MLLT10: variants seen among roughly 807,000 people sequenced by gnomAD.
The protein encoded by MLLT10 is protein AF-10.
In MLLT10, 30 loss-of-function variants were observed where a neutral mutation model predicts 129.1. That is an observed-to-expected ratio of 0.23 (90% CI 0.17 to 0.32). MLLT10 has a LOEUF of 0.32. Ranked by LOEUF, MLLT10 falls within the 10% of genes least tolerant of loss-of-function variation. MLLT10 has a pLI of 1.00. For synonymous variants in MLLT10, 490 were observed against 446.4 expected (o/e 1.10, Z -1.23); for missense variants, 1,119 against 1,268.3 (o/e 0.88, Z 1.79).
At chr10:21,721,982 A>G (rs2131546575) in intron 14 of MLLT10, among the ~76,000 whole-genome samples, 1 of 152,018 alleles carries the variant, frequency 6.6e-6, no homozygotes, top group East Asian at 1.9e-4. Flanking sequence ...AAGGGGAAGG[A>G]TTCCTCTTTA....
chr10:21,735,343 A>G, intron 21 of MLLT10, 108 bp downstream of exon 21: 2 of 985,856 alleles, frequency 2.0e-6, no homozygotes, highest in East Asian at 2.4e-5. Flanking sequence ...TTGAATGCAT[A>G]ATCAAAAAAG....
At chr10:21,551,390 G>T (rs1292271564) in intron 3 of MLLT10, among the ~76,000 whole-genome samples, 1 of 126,410 alleles carries the variant, frequency 7.9e-6, no homozygotes, top group Non-Finnish European at 1.6e-5. Flanking sequence ...TGTCTTTAAA[G>T]TTGAACATTT....
intron 3 of MLLT10, among the ~76,000 whole-genome samples, chr10:21,558,360 A>G (rs2038338822): frequency 6.6e-6 from 1 of 152,018 alleles, no homozygotes; most frequent in African/African-American, 2.4e-5. Context: ...AAAATAACAT[A>G]AACTCCTATT....
chr10:21,570,243 T>C lies in MLLT10; in HGVS notation c.241-16051T>C, dbSNP rs532272016. Among the ~76,000 whole-genome samples the C allele has an allele frequency of 2.4e-3, 344 of 145,356 alleles. 3 individuals carry two copies. The highest frequency in any genetic ancestry group is 8.5e-3 in the African/African-American group (321 of 37,608). ...GTGTGTGTGTGTGTGTGTGCGCGCG[T>C]GTGTGTGTGTTTAGAGATGGGGTTC... On this transcript the variant is annotated intron_variant, in intron 3 of 22. Coordinates refer to ENST00000307729, the MANE Select transcript of MLLT10 (RefSeq NM_001195626.3).
intron 3 of MLLT10, among the ~76,000 whole-genome samples, chr10:21,562,818 GT>G (rs1163404490): frequency 3.8e-4 from 31 of 82,592 alleles, no homozygotes; most frequent in Middle Eastern, 0.011. Flanking sequence ...TGTTTTTTTT[GT>G]TTTTTTTTTT....
intron 5 of MLLT10, among the ~76,000 whole-genome samples, chr10:21,602,037 C>A (rs185300937): frequency 1.3e-5 from 2 of 152,270 alleles, no homozygotes; most frequent in Non-Finnish European, 2.9e-5. Flanking sequence ...TGTGATTCTA[C>A]AGGTTACCCT....
At chr10:21,578,760 G>C (rs143516579) in intron 3 of MLLT10, among the ~76,000 whole-genome samples, 2 of 152,098 alleles carry the variant, frequency 1.3e-5, no homozygotes, top group Non-Finnish European at 2.9e-5. Context: ...TGTACAAGTC[G>C]TAAAGTATAC....
At chr10:21,586,853 C>T (rs917474960) in intron 4 of MLLT10, among the ~76,000 whole-genome samples, 2 of 150,930 alleles carry the variant, frequency 1.3e-5, no homozygotes, top group African/African-American at 2.4e-5. Context: ...TACCATTGCC[C>T]ATTAGCCTGC....
intron 13 of MLLT10, among the ~76,000 whole-genome samples, chr10:21,691,596 G>T (rs2053853340): frequency 6.6e-6 from 1 of 152,034 alleles, no homozygotes; most frequent in Non-Finnish European, 1.5e-5. Flanking sequence ...TAGAAAATCT[G>T]ATTTTCCACC....
chr10:21,705,221 C>G (rs2055379209), intron 13 of MLLT10, among the ~76,000 whole-genome samples: 1 of 152,178 alleles, frequency 6.6e-6, no homozygotes, highest in Admixed American at 6.5e-5. Flanking sequence ...GCAGGCCAGT[C>G]TCCAGACCTA....
At chr10:21,702,066 A>G (rs1346253931) in intron 13 of MLLT10, among the ~76,000 whole-genome samples, 1 of 151,936 alleles carries the variant, frequency 6.6e-6, no homozygotes. Context: ...AGCTAGGACT[A>G]CAGGCGCCCA....
intron 22 of MLLT10, 91 bp from the exon 23 acceptor site, chr10:21,741,848 A>G: frequency 2.2e-6 from 3 of 1,379,688 alleles, no homozygotes; most frequent in East Asian, 2.3e-5. Context: ...AACTTTCTAT[A>G]CCACATTTTA....
chr10:21,612,084 A>T (rs1564506545), intron 5 of MLLT10, among the ~76,000 whole-genome samples: 1 of 152,144 alleles, frequency 6.6e-6, no homozygotes, highest in African/African-American at 2.4e-5. Flanking sequence ...GCCTGGGAAG[A>T]GTCTTCCTGT....
At chr10:21,725,793 C>G (rs1050850746) in intron 14 of MLLT10, among the ~76,000 whole-genome samples, 3 of 150,582 alleles carry the variant, frequency 2.0e-5, no homozygotes, top group African/African-American at 7.3e-5. Flanking sequence ...CTCTGTCGCC[C>G]AGGCTGGAGT....
In MLLT10 at chr10:21,742,066, A is replaced by G. The variant is rs1253199403; in HGVS notation, c.*83A>G. The G allele has an allele frequency of 6.4e-6, 8 of 1,244,400 alleles. No individual in the cohort carries two copies. The highest frequency in any genetic ancestry group is 1.9e-4 in the Middle Eastern group (1 of 5,326). The allele number at this position is 1,244,400 out of a possible 1,614,324, so 77.1% of individuals were successfully genotyped here. A position where few individuals can be genotyped will look rare whatever the true frequency, so the allele number is the denominator to read the frequency against. On this transcript the variant is annotated 3_prime_UTR_variant, in exon 23 of 23. Coordinates refer to ENST00000307729, the MANE Select transcript of MLLT10 (RefSeq NM_001195626.3). ...CCTTTGCAGTCCTTTTACTACAGCT[A>G]TGAAGAAACGCAACAAGAAACTCAA...
intron 14 of MLLT10, among the ~76,000 whole-genome samples, chr10:21,717,699 TCTTCCTCCTCCTCCTCTTCCTCC>T (rs1279923509): frequency 1.0e-5 from 1 of 100,290 alleles, no homozygotes; most frequent in African/African-American, 5.2e-5. Context: ...CTCCTCCTCC[TCTTCCTCCTCCTCCTCTTCCTCC>T]TCCTCCTCCT....
intron 5 of MLLT10, among the ~76,000 whole-genome samples, chr10:21,601,512 T>G (rs2043530723): frequency 6.6e-6 from 1 of 152,156 alleles, no homozygotes; most frequent in Non-Finnish European, 1.5e-5. Flanking sequence ...CCTATCTCAG[T>G]GCTTTTCTTT....
chr10:21,545,837 T>A (rs1399227516), intron 3 of MLLT10, among the ~76,000 whole-genome samples: 1 of 152,168 alleles, frequency 6.6e-6, no homozygotes, highest in African/African-American at 2.4e-5. Flanking sequence ...CGGCTAATTT[T>A]AAAATTTTTG....
At chr10:21,684,135 T>A (rs1206823918) in intron 13 of MLLT10, among the ~76,000 whole-genome samples, 2 of 152,120 alleles carry the variant, frequency 1.3e-5, no homozygotes, top group Non-Finnish European at 2.9e-5. Context: ...CTCAGTCCCC[T>A]GAGTAGATAG....
Sources: allele counts gnomAD v4.1 joint callset (sites outside exome capture counted in the v4.1 genomes callset), GRCh38; gene constraint gnomAD v4.1.1; transcripts MANE v1.5; gene names NCBI Gene and HGNC (gene_info 2026-07-23, HGNC 2026-07-21).